Variants in JMY observed in about 807,000 individuals in gnomAD.
The protein encoded by JMY is junction mediating and regulatory protein, p53 cofactor.
JMY carries 46 observed loss-of-function variants against 103.3 expected under a neutral mutation model. That is an observed-to-expected ratio of 0.45 (90% CI 0.35 to 0.57). JMY has a LOEUF of 0.57. Among genes scored for constraint, JMY ranks in the 20% least tolerant of loss-of-function variants. The probability of loss-of-function intolerance (pLI) is 0.00; values close to 1 mark genes in which losing one functional copy is unlikely to be tolerated. For synonymous variants in JMY, 526 were observed against 489.3 expected (o/e 1.07, Z -0.99); for missense variants, 1,238 against 1,255.2 (o/e 0.99, Z 0.21).
At chr5:79,304,118 T>G (rs1432589175) in intron 6 of JMY, among the ~76,000 whole-genome samples, 1 of 152,172 alleles carries the variant, frequency 6.6e-6, no homozygotes, top group East Asian at 1.9e-4. Flanking sequence ...AATCTAAATC[T>G]GAAGTAGGGA....
chr5:79,314,272 G>A lies in JMY; in HGVS notation c.2080G>A (p.Val694Ile). 1.9e-6 allele frequency: 3 copies of A among 1,611,474 alleles called. No individual in the cohort carries two copies. Among genetic ancestry groups the A allele is most frequent in the East Asian group, 4.5e-5 (2 of 44,872 alleles). Residue 694 changes from valine to isoleucine, a missense_variant, in exon 9 of 11, where the codon GTC becomes ATC. Val to Ile is a conservative substitution (Grantham distance 29). Coordinates refer to ENST00000396137, the MANE Select transcript of JMY (RefSeq NM_152405.5). The part of the protein sequence containing the change: ...RTFKQRYPGQ[V>I]ILKSTRLRLA... Reference sequence around the variant, plus strand: ...GGTATTTTAGAGGTATCCTGGGCAAGTCATACTTAAATCAACCAGATTACG... The same window carrying A: ...GGTATTTTAGAGGTATCCTGGGCAAATCATACTTAAATCAACCAGATTACG...
chr5:79,258,947 T>G (rs1368669423), intron 1 of JMY, among the ~76,000 whole-genome samples: 1 of 152,120 alleles, frequency 6.6e-6, no homozygotes. Flanking sequence ...CCAGCAAGAA[T>G]GAAGTACACA....
Position 79,324,301 on chromosome 5 carries a change from C to T in JMY, c.*2699C>T, listed in dbSNP as rs1202542421. On this transcript the variant is annotated 3_prime_UTR_variant, in exon 11 of 11. Transcript: ENST00000396137. ...ATGTGTATATTTAGTTATGATGGTACTTGTAGATGCTCACATTTCCAGTTC... is the reference window on the plus strand; with the variant it reads ...ATGTGTATATTTAGTTATGATGGTATTTGTAGATGCTCACATTTCCAGTTC... 3.3e-5 allele frequency: 5 copies of T among 152,128 alleles called. No individual in the cohort carries two copies. The highest frequency in any genetic ancestry group is 1.2e-4 in the African/African-American group (5 of 41,438). The allele number at this position is 152,128 out of a possible 1,614,324, so 9.4% of individuals were successfully genotyped here. A position where few individuals can be genotyped will look rare whatever the true frequency, so the allele number is the denominator to read the frequency against.
rs761835413 is a variant in JMY at position 79,237,301 on chromosome 5, C to T, written c.651C>T (p.Ala217=). ...CGGACGCGGAGCAGCCGCCGCCCGC[C>T]ACCGAGCTGGAGTCTCCGGCCGAAG... The part of the protein sequence containing the change: ...ALSDAEQPPP[A]TELESPAEEC... The change falls in exon 1 of 11, where the codon GCC becomes GCT. Residue 217 remains alanine, a synonymous_variant. Transcript: ENST00000396137. 3 of 1,562,634 alleles carry T rather than the reference C, an allele frequency of 1.9e-6. No homozygotes were observed. Among genetic ancestry groups the T allele is most frequent in the South Asian group, 2.3e-5 (2 of 86,056 alleles).
At chr5:79,263,254 T>C (rs960903386) in intron 1 of JMY, among the ~76,000 whole-genome samples, 3 of 152,216 alleles carry the variant, frequency 2.0e-5, no homozygotes, top group Admixed American at 6.5e-5. Flanking sequence ...AAGGGAATTA[T>C]TGCCTTTGAC....
chr5:79,274,541 G>C (rs1220702305), intron 1 of JMY, among the ~76,000 whole-genome samples: 2 of 152,016 alleles, frequency 1.3e-5, no homozygotes, highest in Non-Finnish European at 2.9e-5. Context: ...CCCAGTAGCT[G>C]GGACTGTAGG....
At chr5:79,289,362 A>G (rs1746359261) in intron 2 of JMY, among the ~76,000 whole-genome samples, 1 of 150,140 alleles carries the variant, frequency 6.7e-6, no homozygotes, top group Admixed American at 6.6e-5. Context: ...GTGGGTTAAC[A>G]TTTTGCCTGT....
At chr5:79,283,141 T>C (rs917179986) in intron 2 of JMY, among the ~76,000 whole-genome samples, 1 of 151,986 alleles carries the variant, frequency 6.6e-6, no homozygotes, top group African/African-American at 2.4e-5. Flanking sequence ...TACAGGCATG[T>C]GCCGCAATGC....
chr5:79,285,954 A>T (rs997126341), intron 2 of JMY, among the ~76,000 whole-genome samples: 1 of 85,794 alleles, frequency 1.2e-5, no homozygotes, highest in Non-Finnish European at 2.2e-5. Flanking sequence ...ATCCTAGCTG[A>T]CACGCGCTTT....
intron 1 of JMY, among the ~76,000 whole-genome samples, chr5:79,256,518 G>C (rs1745247409): frequency 6.6e-6 from 1 of 152,106 alleles, no homozygotes; most frequent in Admixed American, 6.5e-5. Context: ...AGAATGTGCA[G>C]AGTCTCGTAA....
intron 6 of JMY, among the ~76,000 whole-genome samples, chr5:79,305,539 G>A (rs1746856654): frequency 6.6e-6 from 1 of 152,106 alleles, no homozygotes; most frequent in Admixed American, 6.5e-5. Context: ...AGTTTCCTTA[G>A]GAAAGGACAC....
intron 1 of JMY, among the ~76,000 whole-genome samples, chr5:79,253,557 G>T (rs1381642119): frequency 6.6e-6 from 1 of 152,148 alleles, no homozygotes; most frequent in African/African-American, 2.4e-5. Flanking sequence ...CTCCCAAAGT[G>T]CTGGGATTAT....
intron 1 of JMY, among the ~76,000 whole-genome samples, chr5:79,239,331 A>G (rs1396327445): frequency 2.0e-5 from 3 of 152,210 alleles, no homozygotes; most frequent in Non-Finnish European, 4.4e-5. Context: ...ACAAATCTTA[A>G]GTGACCACAT....
Position 79,237,205 on chromosome 5 carries a change from C to T in JMY, c.555C>T (p.Ala185=). The T allele has an allele frequency of 1.3e-6, 2 of 1,550,494 alleles. No homozygotes were observed. The highest frequency in any genetic ancestry group is 2.4e-5 in the East Asian group (1 of 40,912). The part of the protein sequence containing the change: ...AQVSSVRIVS[A]SGTVSEEIEV... ...TGTCCTCTGTACGGATAGTGAGCGC[C>T]TCTGGGACGGTCTCCGAGGAGATAG... The change falls in exon 1 of 11, where the codon GCC becomes GCT. Residue 185 remains alanine, a synonymous_variant. Coordinates refer to ENST00000396137, the MANE Select transcript of JMY (RefSeq NM_152405.5).
intron 4 of JMY, among the ~76,000 whole-genome samples, chr5:79,298,138 C>T (rs139114733): frequency 6.6e-6 from 1 of 152,216 alleles, no homozygotes; most frequent in African/African-American, 2.4e-5. Flanking sequence ...GCATCATGAA[C>T]GTAGCAGAAA....
At position 79,300,781 on chromosome 5, in the gene JMY, A is replaced by G; in HGVS notation, c.1799A>G (p.Gln600Arg). Residue 600 changes from glutamine to arginine, a missense_variant, in exon 6 of 11, where the codon CAG becomes CGG. Physicochemically the swap from Gln to Arg is conservative, Grantham distance 43. Transcript: ENST00000396137. ...GCGTACTTACAGAGAGAAGAGCTGC[A>G]GAAACTTCAGCAGAAAGCACGCCAG... ...ASAYLQREEL[Q>R]KLQQKARQLE... 6.2e-7 allele frequency: 1 copy of G among 1,612,538 alleles called. No individual in the cohort carries two copies. The highest frequency in any genetic ancestry group is 8.5e-7 in the Non-Finnish European group (1 of 1,179,546).
Position 79,274,394 on chromosome 5 carries a change from G to GT in JMY, c.1033-3515dup, listed in dbSNP as rs778011998. On this transcript the variant is annotated intron_variant, in intron 1 of 10. Transcript: ENST00000396137. ...TCATTGATTGCTTTTTTTAAAAATA[G>GT]TGTTTTTTTTTGTTTGTTTGTTTGT... Among the ~76,000 whole-genome samples the GT allele has an allele frequency of 3.8e-3, 503 of 130,726 alleles. 1 individual carries two copies. The highest frequency in any genetic ancestry group is 0.012 in the African/African-American group (402 of 33,676). 85.8% of individuals were successfully genotyped at this position (130,726 alleles called of 152,430 possible). A position where few individuals can be genotyped will look rare whatever the true frequency, so the allele number is the denominator to read the frequency against.
At chr5:79,318,500 C>A (rs1747315579) in intron 10 of JMY, among the ~76,000 whole-genome samples, 2 of 152,054 alleles carry the variant, frequency 1.3e-5, no homozygotes, top group Admixed American at 6.6e-5. Context: ...GGTATGGGTT[C>A]ATTAGGTAAA....
At chr5:79,292,458 C>A (rs560571375) in intron 4 of JMY, among the ~76,000 whole-genome samples, 1 of 151,816 alleles carries the variant, frequency 6.6e-6, no homozygotes, top group Non-Finnish European at 1.5e-5. Flanking sequence ...GGCACGCACC[C>A]CCCCCAACAC....
Sources: allele counts gnomAD v4.1 joint callset (sites outside exome capture counted in the v4.1 genomes callset), GRCh38; gene constraint gnomAD v4.1.1; transcripts MANE v1.5; gene names NCBI Gene and HGNC (gene_info 2026-07-23, HGNC 2026-07-21).